CDK6: variants seen among roughly 807,000 people sequenced by gnomAD.
CDK6 encodes the protein cyclin-dependent kinase 6.
Under a neutral mutation model 37.1 loss-of-function variants are expected in CDK6, and 6 were observed. The observed-to-expected ratio is 0.16, with a 90% CI of 0.09 to 0.32. The LOEUF (loss-of-function observed/expected upper bound fraction) is 0.32, where lower values mean the gene tolerates loss of function less well. Ranked by LOEUF, CDK6 falls within the 10% of genes least tolerant of loss-of-function variation. The pLI, the probability that CDK6 is intolerant of heterozygous loss-of-function variation, is 1.00. For missense variants in CDK6, 224 were observed against 418.9 expected (o/e 0.53, Z 4.06); for synonymous variants, 160 against 161.3 (o/e 0.99, Z 0.06).
chr7:92,605,723 TG>T lies in CDK6; in HGVS notation c.*9416del, dbSNP rs1290175534. ...TGTAATGGAGGGATGGTTGCTAGAG[TG>T]AGACAGCCCTTCCCCTCTTGCTATG... is the stretch of plus-strand genomic sequence containing the variant. On this transcript the variant is annotated 3_prime_UTR_variant, in exon 8 of 8. Coordinates refer to ENST00000424848, the MANE Select transcript of CDK6 (RefSeq NM_001145306.2). 4.3e-6 allele frequency: 1 copy of T among 233,062 alleles called. No homozygotes were observed. Among genetic ancestry groups the T allele is most frequent in the Non-Finnish European group, 8.5e-6 (1 of 118,028 alleles). 14.4% of individuals were successfully genotyped at this position (233,062 alleles called of 1,614,324 possible).
chr7:92,829,113 C>T (rs1562978259), intron 2 of CDK6, among the ~76,000 whole-genome samples: 1 of 152,080 alleles, frequency 6.6e-6, no homozygotes, highest in Non-Finnish European at 1.5e-5. Flanking sequence ...GTTTCTTTTA[C>T]CCTGTTAACA....
Position 92,608,476 on chromosome 7 carries a change from C to T in CDK6, c.*6664G>A, listed in dbSNP as rs892304232. ...AAAACTTTTCCAGGCATATCTTTCA[C>T]CATCACATATATAGAATGATGGAAA... On this transcript the variant is annotated 3_prime_UTR_variant, in exon 8 of 8. Transcript: ENST00000424848. The T allele has an allele frequency of 2.6e-4, 60 of 230,672 alleles. No homozygotes were observed. Among genetic ancestry groups the T allele is most frequent in the Middle Eastern group, 2.6e-3 (2 of 766 alleles). The allele number at this position is 230,672 out of a possible 1,614,324, so 14.3% of individuals were successfully genotyped here.
chr7:92,833,437 A>G lies in CDK6; in HGVS notation c.-114T>C. ...GCTCCCCGGAGATCGGTCTAGCTTT[A>G]CTTGCTCCCCGCCGGCTCAGGCGCT... On this transcript the variant is annotated 5_prime_UTR_variant, in exon 2 of 8. Coordinates refer to ENST00000424848, the MANE Select transcript of CDK6 (RefSeq NM_001145306.2). The surrounding 1 kb of genome is among the most constrained non-coding windows in gnomAD (Gnocchi z 6.1). The G allele has an allele frequency of 1.4e-6, 1 of 714,302 alleles. No homozygotes were observed. The highest frequency in any genetic ancestry group is 2.2e-6 in the Non-Finnish European group (1 of 455,440). The allele number at this position is 714,302 out of a possible 1,614,324, so 44.2% of individuals were successfully genotyped here.
chr7:92,634,156 TG>T (rs1796117604), intron 5 of CDK6, among the ~76,000 whole-genome samples: 1 of 152,184 alleles, frequency 6.6e-6, no homozygotes, highest in South Asian at 2.1e-4. Flanking sequence ...TATTCTTTTA[TG>T]GCTTCACTTT....
intron 4 of CDK6, among the ~76,000 whole-genome samples, chr7:92,711,556 T>A (rs1350723996): frequency 9.8e-6 from 1 of 101,720 alleles, no homozygotes; most frequent in Non-Finnish European, 1.9e-5. Flanking sequence ...GGTCAAATTT[T>A]TTTTTTTTTT....
intron 5 of CDK6, among the ~76,000 whole-genome samples, chr7:92,662,205 A>C (rs1200267218): frequency 6.6e-6 from 1 of 152,160 alleles, no homozygotes; most frequent in Non-Finnish European, 1.5e-5. Context: ...GGAGGGAAGG[A>C]AGGAGAAGGT....
chr7:92,633,640 T>TC (rs991025779), intron 5 of CDK6, among the ~76,000 whole-genome samples: 6 of 144,018 alleles, frequency 4.2e-5, no homozygotes, highest in East Asian at 1.9e-4. Context: ...TTTTTTTTTT[T>TC]CCCTCTGTGG....
Position 92,717,167 on chromosome 7 carries a change from C to A in CDK6, c.537+8459G>T, listed in dbSNP as rs561406121. On this transcript the variant is annotated intron_variant, in intron 4 of 7. Coordinates refer to ENST00000424848, the MANE Select transcript of CDK6 (RefSeq NM_001145306.2). ...GATCAGCCTGGGCAACATAATGAGA[C>A]CCCCATCTCTTAAAAAAAAAAAGAA... 1.4e-4 allele frequency among the ~76,000 whole-genome samples: 21 copies of A among 151,770 alleles called. No homozygotes were observed. The East Asian group carries it at 3.3e-3, about 24-fold the overall frequency.
chr7:92,715,050 G>A (rs1585422587), intron 4 of CDK6, among the ~76,000 whole-genome samples: 1 of 152,220 alleles, frequency 6.6e-6, no homozygotes, highest in Non-Finnish European at 1.5e-5. Context: ...GTTACATAAG[G>A]TGCAGATAGT....
chr7:92,745,932 T>C (rs892805275), intron 3 of CDK6, among the ~76,000 whole-genome samples: 1 of 152,208 alleles, frequency 6.6e-6, no homozygotes, highest in Non-Finnish European at 1.5e-5. Flanking sequence ...TCCAAAGAGG[T>C]AGTCCCTATT....
At chr7:92,682,333 C>G (rs1040659613) in intron 4 of CDK6, among the ~76,000 whole-genome samples, 2 of 152,202 alleles carry the variant, frequency 1.3e-5, no homozygotes, top group Non-Finnish European at 2.9e-5. Context: ...TGAAGGCTTT[C>G]TTTAACTTGT....
chr7:92,712,317 G>A (rs1197122033), intron 4 of CDK6, among the ~76,000 whole-genome samples: 1 of 152,052 alleles, frequency 6.6e-6, no homozygotes, highest in Non-Finnish European at 1.5e-5. Flanking sequence ...TGTCTACTAA[G>A]ACCAAATTTC....
chr7:92,806,079 T>A (rs901379683), intron 2 of CDK6, among the ~76,000 whole-genome samples: 1 of 152,214 alleles, frequency 6.6e-6, no homozygotes, highest in African/African-American at 2.4e-5. Flanking sequence ...GTAAATTGTA[T>A]GTTATGTTTA....
chr7:92,677,586 G>A (rs1295907778), intron 4 of CDK6, among the ~76,000 whole-genome samples: 6 of 152,086 alleles, frequency 3.9e-5, no homozygotes, highest in African/African-American at 1.2e-4. Flanking sequence ...TTTAGTCTGG[G>A]TGAAAAGCAA....
rs1426229223 is a variant in CDK6, at chr7:92,618,183, T to G, written c.723A>C (p.Glu241Asp). ...GAAGGGCAACATCTCTAGGCCAGTCTTCTTCTCCTGGGAGTCCAATCACGC... is the reference window on the plus strand; with the variant it reads ...GAAGGGCAACATCTCTAGGCCAGTCGTCTTCTCCTGGGAGTCCAATCACGC... Reference protein sequence around the residue: ...ILDVIGLPGEEDWPRDVALPR... With the variant: ...ILDVIGLPGEDDWPRDVALPR... The change falls in exon 7 of 8, where the codon GAA becomes GAC. Residue 241 changes from glutamate (E) to aspartate (D), a missense_variant. Coordinates refer to ENST00000424848, the MANE Select transcript of CDK6 (RefSeq NM_001145306.2). The G allele has an allele frequency of 3.7e-6, 6 of 1,614,144 alleles. No homozygotes were observed. The South Asian group carries it at 6.6e-5, about 18-fold the overall frequency.
intron 4 of CDK6, among the ~76,000 whole-genome samples, chr7:92,701,991 A>G (rs748579629): frequency 6.6e-6 from 1 of 152,268 alleles, no homozygotes; most frequent in East Asian, 1.9e-4. Context: ...TTCTACAGGA[A>G]GATAACATGG....
At chr7:92,783,697 CAAGA>C (rs1350516291) in intron 2 of CDK6, among the ~76,000 whole-genome samples, 4 of 152,150 alleles carry the variant, frequency 2.6e-5, no homozygotes, top group Non-Finnish European at 4.4e-5. Flanking sequence ...GGCAAGTTTA[CAAGA>C]TGTGACTCTT....
chr7:92,644,064 G>C (rs962147051), intron 5 of CDK6, among the ~76,000 whole-genome samples: 2 of 152,170 alleles, frequency 1.3e-5, no homozygotes, highest in African/African-American at 4.8e-5. Flanking sequence ...CAGAGAACTG[G>C]GTCCAATTTT....
intron 2 of CDK6, among the ~76,000 whole-genome samples, chr7:92,816,323 T>A (rs1348307210): frequency 1.3e-5 from 2 of 152,084 alleles, no homozygotes; most frequent in Non-Finnish European, 2.9e-5. Flanking sequence ...CCCAAGGCCT[T>A]AAAGGAAAAC....
Sources: gnomAD v4.1 joint callset for allele counts (sites outside exome capture counted in the v4.1 genomes callset) on GRCh38, gnomAD v4.1.1 for gene constraint, Gnocchi (gnomAD v3.1) non-coding constraint, MANE v1.5 for transcripts, NCBI Gene and HGNC (gene_info 2026-07-23, HGNC 2026-07-21) for gene names.